The following PCNX1 variants were observed in gnomAD, a reference collection of about 807,000 sequenced individuals.
PCNX1 encodes the protein pecanex-like protein 1.
A neutral mutation model predicts 242.2 loss-of-function variants in PCNX1; 78 were observed. The ratio of observed to expected loss-of-function variants is 0.32; its 90% CI spans 0.27 to 0.39. The LOEUF (loss-of-function observed/expected upper bound fraction) is 0.39, where lower values mean the gene tolerates loss of function less well. Ranked by LOEUF, PCNX1 falls within the 10% of genes least tolerant of loss-of-function variation. The pLI, the probability that PCNX1 is intolerant of heterozygous loss-of-function variation, is 1.00. For missense variants in PCNX1, 2,581 were observed against 2,856.5 expected, an observed-to-expected ratio of 0.90 and a Z score of 2.20; for synonymous variants, 1,024 against 1,032.9, an observed-to-expected ratio of 0.99 and a Z score of 0.17.
At chr14:71,066,724 A>G (rs946478288) in intron 26 of PCNX1, among the ~76,000 whole-genome samples, 3 of 152,210 alleles carry the variant, frequency 2.0e-5, no homozygotes, top group African/African-American at 7.2e-5. Context: ...TTGCCCATTC[A>G]GTATGATATT....
chr14:71,108,067 A>G (rs1368956407), intron 33 of PCNX1, among the ~76,000 whole-genome samples: 1 of 152,162 alleles, frequency 6.6e-6, no homozygotes, highest in African/African-American at 2.4e-5. Context: ...CTCTTGACTC[A>G]GTGGAACTCT....
At position 70,947,057 on chromosome 14, in the gene PCNX1, C is replaced by T. The variant is rs747924947; in HGVS notation, c.296C>T (p.Thr99Met). 11 of 1,613,478 alleles carry T rather than the reference C, an allele frequency of 6.8e-6. No individual in the cohort carries two copies. Among genetic ancestry groups the T allele is most frequent in the Admixed American group, 3.3e-5 (2 of 59,900 alleles). ...EVVDRTANEF[T>M]DQRTKAEQGN... ...GTAGATAGGACTGCAAATGAGTTCA[C>T]GGATCAGCGAACCAAAGCTGAACAA... is the stretch of plus-strand genomic sequence containing the variant. The change falls in exon 2 of 36, where the codon ACG (threonine) becomes ATG (methionine). Residue 99 changes from threonine (T) to methionine (M), a missense_variant. Around this residue, in one of 9 missense-constraint regions of PCNX1, gnomAD observed 1,204 missense variants for 1,216.7 expected, o/e 0.99. Coordinates refer to ENST00000304743, the MANE Select transcript of PCNX1 (RefSeq NM_014982.3).
chr14:71,034,856 G>A (rs2060486008), intron 18 of PCNX1, among the ~76,000 whole-genome samples: 1 of 152,124 alleles, frequency 6.6e-6, no homozygotes, highest in African/African-American at 2.4e-5. Context: ...GTTACGTATA[G>A]TAGGATATTC....
At chr14:71,024,441 A>C (rs1249983868) in intron 13 of PCNX1, among the ~76,000 whole-genome samples, 1 of 152,126 alleles carries the variant, frequency 6.6e-6, no homozygotes, top group East Asian at 1.9e-4. Context: ...TTTTTGATAG[A>C]TATAGGCCAG....
chr14:71,101,346 T>C (rs1268274941), intron 30 of PCNX1, among the ~76,000 whole-genome samples: 2 of 152,256 alleles, frequency 1.3e-5, no homozygotes, highest in Admixed American at 1.3e-4. Context: ...ATATCTTCTT[T>C]GTTTTATCCA....
intron 28 of PCNX1, among the ~76,000 whole-genome samples, chr14:71,083,023 G>C (rs2061894443): frequency 6.6e-6 from 1 of 152,088 alleles, no homozygotes; most frequent in African/African-American, 2.4e-5. Context: ...GCTTCCTTCA[G>C]GAGCTCTTGT....
intron 30 of PCNX1, among the ~76,000 whole-genome samples, chr14:71,095,345 A>G (rs891312209): frequency 2.0e-5 from 3 of 152,294 alleles, no homozygotes; most frequent in South Asian, 2.1e-4. Flanking sequence ...TGGACTGTAA[A>G]TGTTTGTTTA....
At chr14:71,078,220 T>C (rs1055623867) in intron 28 of PCNX1, among the ~76,000 whole-genome samples, 9 of 152,230 alleles carry the variant, frequency 5.9e-5, no homozygotes, top group African/African-American at 2.2e-4. Flanking sequence ...TAGTTTCTCT[T>C]TTAAGTTGAA....
chr14:70,950,159 T>A (rs752035536), intron 2 of PCNX1, among the ~76,000 whole-genome samples: 2 of 152,212 alleles, frequency 1.3e-5, no homozygotes, highest in Non-Finnish European at 2.9e-5. Context: ...AAACACGTAT[T>A]TTAGCCTCAT....
chr14:71,086,865 C>T (rs1371285212), intron 28 of PCNX1, among the ~76,000 whole-genome samples: 3 of 152,142 alleles, frequency 2.0e-5, no homozygotes, highest in African/African-American at 7.2e-5. Context: ...TTTCCTGTCT[C>T]TCAGGGACCG....
In PCNX1 at chr14:70,946,986, G is replaced by A. The variant is rs573466012; in HGVS notation, c.225G>A (p.Lys75=). The change falls in exon 2 of 36, where the codon AAG becomes AAA. Residue 75 remains lysine (K), a synonymous_variant. Coordinates refer to ENST00000304743, the MANE Select transcript of PCNX1 (RefSeq NM_014982.3). ...TAGCTGCTGTTTTCATTGTTCTGAA[G>A]ATGGTCAACTATCGACTACACAGAG... is the stretch of plus-strand genomic sequence containing the variant. ...PVIAAVFIVL[K]MVNYRLHRAL... The A allele has an allele frequency of 6.2e-7, 1 of 1,613,886 alleles. No individual in the cohort carries two copies. Among genetic ancestry groups the A allele is most frequent in the South Asian group, 1.1e-5 (1 of 91,072 alleles).
In PCNX1 at chr14:70,971,396, G is replaced by A. The variant is rs560809470; in HGVS notation, c.604+2286G>A. On this transcript the variant is annotated intron_variant, in intron 5 of 35. Transcript: ENST00000304743. ...CCTGACCTCATGATCCACCCGCCTC[G>A]GCCTCCCAAAGTGCTGGGATTACAG... is the stretch of plus-strand genomic sequence containing the variant. Among the ~76,000 whole-genome samples the A allele has an allele frequency of 2.3e-4, 3 of 13,212 alleles. 1 individual carries two copies. Among genetic ancestry groups the A allele is most frequent in the Non-Finnish European group, 5.6e-4 (3 of 5,364 alleles). 8.7% of individuals were successfully genotyped at this position (13,212 alleles called of 152,430 possible).
chr14:71,071,829 G>C (rs1015186324), intron 26 of PCNX1, among the ~76,000 whole-genome samples: 2 of 152,082 alleles, frequency 1.3e-5, no homozygotes, highest in Non-Finnish European at 2.9e-5. Context: ...ACATGCAACT[G>C]TTTCTTTACT....
chr14:71,108,586 T>C lies in PCNX1; in HGVS notation c.6302-18T>C. ...GAGTCATTCTACTTTGAGTGAGTGC[T>C]GCTGTTTCTCCTCCTAGGCACTAGC... On this transcript the variant is annotated intron_variant, in intron 33 of 35. Transcript: ENST00000304743. 1.3e-6 allele frequency: 2 copies of C among 1,580,432 alleles called. No homozygotes were observed. Among genetic ancestry groups the C allele is most frequent in the African/African-American group, 2.7e-5 (2 of 74,354 alleles).
intron 5 of PCNX1, among the ~76,000 whole-genome samples, chr14:70,974,812 A>G (rs2058647391): frequency 6.6e-6 from 1 of 152,210 alleles, no homozygotes. Context: ...TGATTCGATG[A>G]AAAATGTATC....
intron 26 of PCNX1, among the ~76,000 whole-genome samples, chr14:71,067,612 C>T (rs1291661580): frequency 2.0e-5 from 3 of 152,048 alleles, no homozygotes; most frequent in African/African-American, 4.8e-5. Flanking sequence ...TCCTTCAGTT[C>T]TGCTCTGATC....
At chr14:71,044,227 G>GGT (rs1405869635) in intron 19 of PCNX1, 1 of 152,646 alleles carries the variant, frequency 6.6e-6, no homozygotes, top group East Asian at 1.9e-4. Context: ...CAGTGGGTTG[G>GGT]GTGTGCTAGT....
rs564770004 is a variant in PCNX1 at position 71,108,967 on chromosome 14, C to T, written c.6665C>T (p.Thr2222Ile). ...LATEGGQSSATDAQPGNTLSP... is the reference protein window; with the variant it reads ...LATEGGQSSAIDAQPGNTLSP... ...ACAGAGGGAGGTCAGAGCAGTGCCACTGATGCACAGCCAGGCAACACCTTA... is the reference window on the plus strand; with the variant it reads ...ACAGAGGGAGGTCAGAGCAGTGCCATTGATGCACAGCCAGGCAACACCTTA... The change falls in exon 34 of 36, where the codon ACT (threonine) becomes ATT (isoleucine). Residue 2222 changes from threonine (T) to isoleucine (I), a missense_variant. Coordinates refer to ENST00000304743, the MANE Select transcript of PCNX1 (RefSeq NM_014982.3). 16 of 1,614,248 alleles carry T rather than the reference C, an allele frequency of 9.9e-6. No homozygotes were observed. The African/African-American group carries it at 1.6e-4, about 16-fold the overall frequency.
At chr14:70,943,746 C>T (rs754394177) in intron 1 of PCNX1, among the ~76,000 whole-genome samples, 2 of 150,422 alleles carry the variant, frequency 1.3e-5, no homozygotes, top group South Asian at 4.3e-4. Flanking sequence ...CCTCCCATCA[C>T]GAGCCCAGAG....
Sources: allele counts gnomAD v4.1 joint callset (sites outside exome capture counted in the v4.1 genomes callset), GRCh38; gene constraint gnomAD v4.1.1; regional missense constraint gnomAD v4.1.1; transcripts MANE v1.5; gene names NCBI Gene and HGNC (gene_info 2026-07-23, HGNC 2026-07-21).